Variants in ITK observed in about 807,000 individuals in gnomAD.
ITK encodes tyrosine-protein kinase ITK/TSK.
ITK carries 45 observed loss-of-function variants against 87.6 expected under a neutral mutation model. The ratio of observed to expected loss-of-function variants is 0.51; its 90% CI spans 0.40 to 0.66. The LOEUF (loss-of-function observed/expected upper bound fraction) is 0.66, where lower values mean the gene tolerates loss of function less well. Ranked by LOEUF, ITK falls within the 30% of genes least tolerant of loss-of-function variation. ITK has a pLI of 0.00. For missense variants in ITK, 605 were observed against 766.3 expected (o/e 0.79, Z 2.48); for synonymous variants, 303 against 273.6 (o/e 1.11, Z -1.06).
intron 1 of ITK, among the ~76,000 whole-genome samples, chr5:157,202,443 G>A (rs1753996796): frequency 6.6e-6 from 1 of 151,904 alleles, no homozygotes; most frequent in South Asian, 2.1e-4. Flanking sequence ...CGAACTCCTG[G>A]CCTCAAGTGA....
At chr5:157,206,542 T>A (rs1754083407) in intron 1 of ITK, among the ~76,000 whole-genome samples, 1 of 152,206 alleles carries the variant, frequency 6.6e-6, no homozygotes, top group Admixed American at 6.6e-5. Flanking sequence ...GGTAGGCTAT[T>A]TATTACTGAT....
At chr5:157,223,692 G>A (rs921982038) in intron 6 of ITK, among the ~76,000 whole-genome samples, 4 of 151,892 alleles carry the variant, frequency 2.6e-5, no homozygotes, top group African/African-American at 9.7e-5. Context: ...GAGTTCAATA[G>A]TTGCATCAAT....
At chr5:157,244,800 G>A in intron 13 of ITK, 1 of 375,386 alleles carries the variant, frequency 2.7e-6, no homozygotes, top group Non-Finnish European at 5.1e-6. Context: ...GAGTTTGTCT[G>A]AAGGTATTAT....
intron 7 of ITK, among the ~76,000 whole-genome samples, chr5:157,228,853 T>G (rs964255464): frequency 2.6e-5 from 4 of 152,022 alleles, no homozygotes; most frequent in Admixed American, 6.6e-5. Context: ...GTCTTTAACT[T>G]CCGGGCTCTA....
Position 157,253,361 on chromosome 5 carries a change from G to A in ITK, c.*683G>A, listed in dbSNP as rs957994006. The A allele has an allele frequency of 9.0e-5, 21 of 233,412 alleles. No homozygotes were observed. The highest frequency in any genetic ancestry group is 1.5e-4 in the Non-Finnish European group (18 of 117,330). 14.5% of individuals were successfully genotyped at this position (233,412 alleles called of 1,614,324 possible). A position where few individuals can be genotyped will look rare whatever the true frequency, so the allele number is the denominator to read the frequency against. Reference sequence around the variant, plus strand: ...CATGGCGAGACCCATTGGATGGATTGGGGTGAACAGTTCAGGTCCCATGCT... The same window carrying A: ...CATGGCGAGACCCATTGGATGGATTAGGGTGAACAGTTCAGGTCCCATGCT... On this transcript the variant is annotated 3_prime_UTR_variant, in exon 17 of 17. Transcript: ENST00000422843.
intron 1 of ITK, among the ~76,000 whole-genome samples, chr5:157,202,248 C>T (rs1158269028): frequency 6.6e-5 from 10 of 152,118 alleles, no homozygotes; most frequent in Non-Finnish European, 1.0e-4. Context: ...GAGTCTTACT[C>T]TGTCACCCAG....
intron 2 of ITK, 130 bp from the exon 3 acceptor site, chr5:157,211,157 C>T: frequency 1.3e-6 from 1 of 766,464 alleles, no homozygotes; most frequent in Non-Finnish European, 2.3e-6. Context: ...ATACTGGCCC[C>T]CTAATTACCC....
At chr5:157,239,589 A>G (rs1461378846) in intron 9 of ITK, among the ~76,000 whole-genome samples, 3 of 152,134 alleles carry the variant, frequency 2.0e-5, no homozygotes, top group Non-Finnish European at 4.4e-5. Context: ...CCGAAATCCA[A>G]GTTCCCAAAC....
At chr5:157,204,671 C>T (rs947961569) in intron 1 of ITK, among the ~76,000 whole-genome samples, 1 of 151,990 alleles carries the variant, frequency 6.6e-6, no homozygotes, top group African/African-American at 2.4e-5. Context: ...TGCACTCCAG[C>T]CTGGGCGACA....
chr5:157,242,992 A>G (rs1206331279), intron 11 of ITK, among the ~76,000 whole-genome samples: 1 of 151,772 alleles, frequency 6.6e-6, no homozygotes, highest in Non-Finnish European at 1.5e-5. Context: ...TAGCCTCCTT[A>G]TGAAAATAAG....
intron 1 of ITK, among the ~76,000 whole-genome samples, chr5:157,203,407 G>A (rs553036293): frequency 6.6e-5 from 10 of 152,338 alleles, no homozygotes; most frequent in Admixed American, 1.3e-4. Context: ...CCACTGCTGG[G>A]CACTGGGTAT....
intron 1 of ITK, among the ~76,000 whole-genome samples, chr5:157,207,053 A>C (rs187011121): frequency 2.6e-5 from 4 of 152,306 alleles, no homozygotes; most frequent in South Asian, 2.1e-4. Flanking sequence ...ACTAATATGC[A>C]ATATATTTCA....
chr5:157,225,358 A>G (rs1754510127), intron 6 of ITK, among the ~76,000 whole-genome samples: 1 of 152,114 alleles, frequency 6.6e-6, no homozygotes. Flanking sequence ...TAATTTTGCC[A>G]CATAATTTCC....
At chr5:157,181,185 A>G (rs1753507026) in intron 1 of ITK, 70 bp downstream of exon 1, 4 of 1,451,566 alleles carry the variant, frequency 2.8e-6, no homozygotes, top group East Asian at 2.3e-5. Context: ...ATGCAAAAAT[A>G]TATACATAGC....
In ITK at chr5:157,211,267, C is replaced by T. The variant is rs1422351815; in HGVS notation, c.244-20C>T. 2 of 1,605,236 alleles carry T rather than the reference C, an allele frequency of 1.2e-6. No homozygotes were observed. Among genetic ancestry groups the T allele is most frequent in the Non-Finnish European group, 8.5e-7 (1 of 1,172,250 alleles). On this transcript the variant is annotated intron_variant, in intron 2 of 16. Transcript: ENST00000422843. ...CTCCATGCACGCTGCTCACCTTGAACTCTGTGTGTGTGTCTCCAGGTGGTG... is the reference window on the plus strand; with the variant it reads ...CTCCATGCACGCTGCTCACCTTGAATTCTGTGTGTGTGTCTCCAGGTGGTG...
intron 6 of ITK, among the ~76,000 whole-genome samples, chr5:157,227,296 T>C (rs1007179981): frequency 6.6e-6 from 1 of 152,258 alleles, no homozygotes; most frequent in Admixed American, 6.5e-5. Context: ...GAAAGTGCTT[T>C]GAAAACTACA....
intron 1 of ITK, among the ~76,000 whole-genome samples, chr5:157,181,997 T>A (rs1753541648): frequency 6.6e-6 from 1 of 152,226 alleles, no homozygotes; most frequent in African/African-American, 2.4e-5. Context: ...CTGTTTCAGG[T>A]TCTTTCTTCA....
chr5:157,193,478 C>A (rs1481259302), intron 1 of ITK, among the ~76,000 whole-genome samples: 2 of 152,146 alleles, frequency 1.3e-5, no homozygotes, highest in African/African-American at 2.4e-5. Flanking sequence ...TTAATGAGTT[C>A]TCGCTGTGTT....
chr5:157,181,499 C>T (rs1398403305), intron 1 of ITK, among the ~76,000 whole-genome samples: 1 of 152,174 alleles, frequency 6.6e-6, no homozygotes, highest in East Asian at 1.9e-4. Context: ...TAGATTAATA[C>T]AACACTAGCA....
Sources: allele counts gnomAD v4.1 joint callset (sites outside exome capture counted in the v4.1 genomes callset), GRCh38; gene constraint gnomAD v4.1.1; transcripts MANE v1.5; gene names NCBI Gene and HGNC (gene_info 2026-07-23, HGNC 2026-07-21).